The following SCFD2 variants were observed in gnomAD, a reference collection of about 807,000 sequenced individuals.
SCFD2 encodes sec1 family domain containing 2.
A neutral mutation model predicts 58.9 loss-of-function variants in SCFD2; 54 were observed. The observed-to-expected ratio is 0.92, with a 90% CI of 0.74 to 1.15. SCFD2 has a LOEUF of 1.15. SCFD2 is among the 50% of genes most tolerant of loss of function. SCFD2 has a pLI of 0.00. For synonymous variants in SCFD2, 321 were observed against 335.9 expected (o/e 0.96, Z 0.49); for missense variants, 805 against 836.6 (o/e 0.96, Z 0.47).
chr4:52,916,341 G>A (rs1719605966), intron 6 of SCFD2, among the ~76,000 whole-genome samples: 1 of 152,218 alleles, frequency 6.6e-6, no homozygotes, highest in Non-Finnish European at 1.5e-5. Flanking sequence ...AGGCCGAGGT[G>A]GGCAGATCAC....
chr4:53,358,556 G>GA (rs773896119), intron 1 of SCFD2, among the ~76,000 whole-genome samples: 350 of 105,248 alleles, frequency 3.3e-3, no homozygotes, highest in Middle Eastern at 5.1e-3. Flanking sequence ...CTGTCTCAGG[G>GA]AAAAAAAAAA....
intron 2 of SCFD2, among the ~76,000 whole-genome samples, chr4:53,320,678 T>C (rs573686893): frequency 6.6e-6 from 1 of 152,178 alleles, no homozygotes; most frequent in Non-Finnish European, 1.5e-5. Flanking sequence ...AAACTTCACA[T>C]GCACAAATTT....
intron 5 of SCFD2, among the ~76,000 whole-genome samples, chr4:53,088,462 CA>C (rs1724376599): frequency 6.6e-6 from 1 of 152,120 alleles, no homozygotes; most frequent in African/African-American, 2.4e-5. Context: ...AGCATCAAGC[CA>C]AAAAAGATTT....
At chr4:53,164,118 A>G (rs1726933156) in intron 4 of SCFD2, among the ~76,000 whole-genome samples, 1 of 152,190 alleles carries the variant, frequency 6.6e-6, no homozygotes, top group African/African-American at 2.4e-5. Flanking sequence ...TGAACACTCT[A>G]TAAGGTACTG....
chr4:53,258,364 A>T (rs1719340290), intron 4 of SCFD2, among the ~76,000 whole-genome samples: 1 of 151,634 alleles, frequency 6.6e-6, no homozygotes. Context: ...TATCATTCTT[A>T]TGTCTTTGTG....
intron 5 of SCFD2, among the ~76,000 whole-genome samples, chr4:53,144,548 AAT>A (rs776783128): frequency 6.8e-6 from 1 of 147,746 alleles, no homozygotes; most frequent in East Asian, 1.9e-4. Flanking sequence ...TTTTATATAT[AAT>A]ATATATATAA....
chr4:52,983,315 G>A (rs1194779086), intron 5 of SCFD2, among the ~76,000 whole-genome samples: 1 of 152,198 alleles, frequency 6.6e-6, no homozygotes, highest in Non-Finnish European at 1.5e-5. Flanking sequence ...CAGTACAGCA[G>A]AGAATTGTGG....
intron 7 of SCFD2, among the ~76,000 whole-genome samples, chr4:52,889,409 C>T (rs1718828835): frequency 6.6e-6 from 1 of 152,204 alleles, no homozygotes; most frequent in Non-Finnish European, 1.5e-5. Context: ...ACGCCAGAGG[C>T]CACACTCTTA....
intron 4 of SCFD2, among the ~76,000 whole-genome samples, chr4:53,227,147 G>A (rs1319045653): frequency 6.6e-6 from 1 of 152,056 alleles, no homozygotes; most frequent in Non-Finnish European, 1.5e-5. Context: ...AGCATCACCT[G>A]ACCTTCTTCA....
intron 5 of SCFD2, among the ~76,000 whole-genome samples, chr4:53,033,090 C>A (rs1372301809): frequency 6.6e-6 from 1 of 151,926 alleles, no homozygotes. Context: ...TCAGGAAATG[C>A]AAAAGAATGG....
chr4:52,987,957 A>G (rs1256935038), intron 5 of SCFD2, among the ~76,000 whole-genome samples: 1 of 152,208 alleles, frequency 6.6e-6, no homozygotes, highest in Non-Finnish European at 1.5e-5. Context: ...CAAAGTGCAT[A>G]TGAAGAGAAA....
chr4:52,984,109 G>T lies in SCFD2; in HGVS notation c.1562-63239C>A, dbSNP rs138722748. Among the ~76,000 whole-genome samples, 313 of 152,286 alleles carry T rather than the reference G, an allele frequency of 2.1e-3. 1 individual carries two copies. The highest frequency in any genetic ancestry group is 3.9e-3 in the Admixed American group (59 of 15,290). The stretch of plus-strand genomic sequence containing the variant: ...AAGAGAATGGTGGATTGTTCAAAAA[G>T]CATCTCAAGCCTACTCATTGCCCCT... On this transcript the variant is annotated intron_variant, in intron 5 of 8. Transcript: ENST00000401642.
At chr4:52,995,319 C>T (rs1257994683) in intron 5 of SCFD2, among the ~76,000 whole-genome samples, 4 of 152,138 alleles carry the variant, frequency 2.6e-5, no homozygotes, top group Non-Finnish European at 4.4e-5. Flanking sequence ...GAGAATCTAA[C>T]GCTGCTGCTG....
At position 53,265,749 on chromosome 4, in the gene SCFD2, T is replaced by G. The variant is rs574189283; in HGVS notation, c.1311+8077A>C. Among the ~76,000 whole-genome samples, 52 of 151,564 alleles carry G rather than the reference T, an allele frequency of 3.4e-4. No homozygotes were observed. The East Asian group carries it at 3.5e-3, about 10-fold the overall frequency. ...AATAATTGTTTTCTTTTGCCTTTTA[T>G]TTATTTATTTATTTATTTGAGACAG... On this transcript the variant is annotated intron_variant, in intron 4 of 8. Transcript: ENST00000401642.
intron 4 of SCFD2, among the ~76,000 whole-genome samples, chr4:53,218,171 G>A (rs558253097): frequency 1.6e-4 from 24 of 152,116 alleles, no homozygotes; most frequent in African/African-American, 4.3e-4. Context: ...CTGTATTTCC[G>A]GAATTGGAAT....
At chr4:53,247,559 A>G (rs1314181534) in intron 4 of SCFD2, among the ~76,000 whole-genome samples, 1 of 152,218 alleles carries the variant, frequency 6.6e-6, no homozygotes, top group African/African-American at 2.4e-5. Context: ...CTATGCAGCC[A>G]TAAAAAATAA....
chr4:52,898,416 TAGTTATTCACCAGCA>T (rs1162584218), intron 7 of SCFD2, among the ~76,000 whole-genome samples: 1 of 152,252 alleles, frequency 6.6e-6, no homozygotes, highest in Non-Finnish European at 1.5e-5. Context: ...ATGCACCCAG[TAGTTATTCACCAGCA>T]GGTTGTTCAG....
At chr4:52,947,165 C>T (rs1004949329) in intron 5 of SCFD2, among the ~76,000 whole-genome samples, 1 of 152,306 alleles carries the variant, frequency 6.6e-6, no homozygotes, top group East Asian at 1.9e-4. Flanking sequence ...AATCATTTCT[C>T]CCTTCAGCTC....
intron 4 of SCFD2, among the ~76,000 whole-genome samples, chr4:53,154,295 G>A (rs572313507): frequency 2.2e-4 from 34 of 152,320 alleles, no homozygotes; most frequent in African/African-American, 7.5e-4. Context: ...TTCTGGTAAG[G>A]TCTCAGGAAG....
Sources: allele counts gnomAD v4.1 joint callset (sites outside exome capture counted in the v4.1 genomes callset), GRCh38; gene constraint gnomAD v4.1.1; transcripts MANE v1.5; gene names NCBI Gene and HGNC (gene_info 2026-07-23, HGNC 2026-07-21).